The following PARVB variants were observed in gnomAD, a reference collection of about 807,000 sequenced individuals.
PARVB encodes parvin beta, also known as beta-parvin.
A neutral mutation model predicts 47.0 loss-of-function variants in PARVB; 46 were observed. The ratio of observed to expected loss-of-function variants is 0.98; its 90% CI spans 0.77 to 1.25. The LOEUF (loss-of-function observed/expected upper bound fraction) is 1.25. Ranked by LOEUF, PARVB falls within the 50% of genes most tolerant of loss-of-function variation. The pLI is 0.00. For synonymous variants in PARVB, 196 were observed against 196.3 expected (o/e 1.00, Z 0.01); for missense variants, 473 against 471.6 (o/e 1.00, Z -0.03).
Position 44,139,994 on chromosome 22 carries a change from G to C in PARVB, c.693-130G>C, listed in dbSNP as rs5764552. ...CACCATGTGACTTGCGTTCTTATCA[G>C]TAGGCCTTTACCTGGGCAGCGAGGG... On this transcript the variant is annotated intron_variant, in intron 7 of 12. Coordinates refer to ENST00000338758, the MANE Select transcript of PARVB (RefSeq NM_013327.5). 99 of 114,788 alleles carry C rather than the reference G, an allele frequency of 8.6e-4. 1 individual carries two copies. The African/African-American group carries it at 0.014, about 17-fold the overall frequency. 7.1% of individuals were successfully genotyped at this position (114,788 alleles called of 1,614,324 possible).
At chr22:44,112,738 A>G (rs1213887319) in intron 3 of PARVB, 1 of 2,108 alleles carries the variant, frequency 4.7e-4, no homozygotes, top group African/African-American at 5.5e-3. Flanking sequence ...CATTGTTACT[A>G]AGTAAGGCCC....
At position 44,024,462 on chromosome 22, in the gene PARVB, G is replaced by T; in HGVS notation, c.112+11G>T. On this transcript the variant is annotated intron_variant, in intron 1 of 12. Coordinates refer to ENST00000338758, the MANE Select transcript of PARVB (RefSeq NM_013327.5). ...GGAGGGCGCGCGAGGGTGAGTGCGC[G>T]CCCGCGCCCGCCGACCCCCGGGGAC... The T allele has an allele frequency of 8.9e-7, 1 of 1,123,926 alleles. No individual in the cohort carries two copies. Among genetic ancestry groups the T allele is most frequent in the Non-Finnish European group, 1.1e-6 (1 of 912,780 alleles). The allele number at this position is 1,123,926 out of a possible 1,614,324, so 69.6% of individuals were successfully genotyped here. A position where few individuals can be genotyped will look rare whatever the true frequency, so the allele number is the denominator to read the frequency against.
At chr22:44,167,886 G>A (rs951091400) in intron 12 of PARVB, 5 of 152,476 alleles carry the variant, frequency 3.3e-5, no homozygotes, top group South Asian at 2.1e-4. Flanking sequence ...GCTCTGATGA[G>A]GGTGTGTGAG....
chr22:44,012,850 A>G (rs924749561), intron 2 of PARVB, among the ~76,000 whole-genome samples: 1 of 151,810 alleles, frequency 6.6e-6, no homozygotes, highest in Admixed American at 6.6e-5. Context: ...TTTTAGTTCT[A>G]TTAAAGAGAA....
chr22:44,098,489 G>C (rs758123387), intron 2 of PARVB, among the ~76,000 whole-genome samples: 7 of 152,170 alleles, frequency 4.6e-5, no homozygotes, highest in Non-Finnish European at 8.8e-5. Context: ...AAGGCTTCAA[G>C]GAGTGAGGGA....
chr22:44,166,302 G>A (rs1020634397), intron 12 of PARVB, among the ~76,000 whole-genome samples: 15 of 152,162 alleles, frequency 9.9e-5, no homozygotes, highest in Non-Finnish European at 2.1e-4. Flanking sequence ...TAGAGATGGG[G>A]TTTCACCATG....
intron 1 of PARVB, among the ~76,000 whole-genome samples, chr22:44,044,054 T>C (rs918678563): frequency 3.3e-5 from 5 of 152,116 alleles, no homozygotes; most frequent in African/African-American, 1.2e-4. Context: ...ATTGAGCAAG[T>C]GACAATAGGA....
chr22:44,021,117 A>G (rs566874739), upstream of PARVB, among the ~76,000 whole-genome samples: 92 of 152,322 alleles, frequency 6.0e-4, no homozygotes, highest in African/African-American at 2.1e-3. Context: ...TTCATTGGCT[A>G]AGCACAATTG....
At chr22:44,099,208 G>T (rs542179125) in intron 2 of PARVB, among the ~76,000 whole-genome samples, 1 of 152,344 alleles carries the variant, frequency 6.6e-6, no homozygotes, top group Admixed American at 6.5e-5. Flanking sequence ...CCCATGCTCT[G>T]TGCAGGTCCC....
At chr22:44,010,970 T>C (rs534719234) in intron 2 of PARVB, among the ~76,000 whole-genome samples, 6 of 150,858 alleles carry the variant, frequency 4.0e-5, no homozygotes, top group African/African-American at 1.5e-4. Flanking sequence ...CAGCTCACTG[T>C]CATCTCTGCC....
At chr22:44,120,842 T>G (rs1379715073) in intron 4 of PARVB, among the ~76,000 whole-genome samples, 2 of 116,898 alleles carry the variant, frequency 1.7e-5, no homozygotes, top group African/African-American at 1.4e-4. Flanking sequence ...CACTTGGCTG[T>G]TTTTTTTTTT....
At chr22:44,101,427 A>T (rs1462746132) in intron 3 of PARVB, among the ~76,000 whole-genome samples, 1 of 149,302 alleles carries the variant, frequency 6.7e-6, no homozygotes, top group East Asian at 1.9e-4. Flanking sequence ...TAAAAAATAA[A>T]AAATAAAATA....
chr22:44,002,807 C>G (rs1208606328), intron 2 of PARVB, among the ~76,000 whole-genome samples: 1 of 152,054 alleles, frequency 6.6e-6, no homozygotes, highest in Admixed American at 6.6e-5. Context: ...ATGAAAAATG[C>G]TTTGCCCGAA....
intron 1 of PARVB, among the ~76,000 whole-genome samples, chr22:44,028,693 C>T (rs1265168688): frequency 3.3e-5 from 5 of 152,118 alleles, no homozygotes; most frequent in South Asian, 2.1e-4. Context: ...GAGTGTGTCT[C>T]GTTTTGGAAG....
At chr22:44,028,498 G>A (rs1286700456) in intron 1 of PARVB, among the ~76,000 whole-genome samples, 1 of 151,896 alleles carries the variant, frequency 6.6e-6, no homozygotes, top group Non-Finnish European at 1.5e-5. Context: ...TTCCTTTTTT[G>A]ACTGAATAAT....
At chr22:44,054,291 C>G (rs1328265028) in intron 1 of PARVB, among the ~76,000 whole-genome samples, 1 of 152,180 alleles carries the variant, frequency 6.6e-6, no homozygotes, top group Non-Finnish European at 1.5e-5. Context: ...TCTTGGCTCA[C>G]TGCAACCTCA....
At chr22:44,020,005 T>TAGAG (rs370055985), upstream of PARVB, among the ~76,000 whole-genome samples, 1,652 of 149,830 alleles carry the variant, frequency 0.011, 34 homozygotes, top group African/African-American at 0.041. Flanking sequence ...AACACTCCTG[T>TAGAG]GACTCCTGTG....
chr22:44,071,548 G>A (rs2051655022), intron 1 of PARVB, among the ~76,000 whole-genome samples: 1 of 152,106 alleles, frequency 6.6e-6, no homozygotes, highest in South Asian at 2.1e-4. Flanking sequence ...TCCATTGTGG[G>A]CTACCCATCC....
At chr22:44,058,980 T>TG (rs11296449) in intron 1 of PARVB, among the ~76,000 whole-genome samples, 148 of 146,986 alleles carry the variant, frequency 1.0e-3, no homozygotes, top group East Asian at 5.7e-3. Flanking sequence ...GAGGGTGTGA[T>TG]GGGGGGGGGA....
Sources: gnomAD v4.1 joint callset for allele counts (sites outside exome capture counted in the v4.1 genomes callset) on GRCh38, gnomAD v4.1.1 for gene constraint, MANE v1.5 for transcripts, NCBI Gene and HGNC (gene_info 2026-07-23, HGNC 2026-07-21) for gene names.